Variants in FOXP1 observed in about 807,000 individuals in gnomAD.
FOXP1 encodes forkhead box P1, also known as forkhead box protein P1.
FOXP1 carries 15 observed loss-of-function variants against 98.2 expected under a neutral mutation model. The observed-to-expected ratio is 0.15, with a 90% CI of 0.10 to 0.24. The LOEUF is 0.24. Among genes scored for constraint, FOXP1 ranks in the 10% least tolerant of loss-of-function variants. The pLI is 1.00. For synonymous variants in FOXP1, 371 were observed against 314.5 expected (o/e 1.18, Z -1.90); for missense variants, 633 against 848.5 (o/e 0.75, Z 3.15).
chr3:71,383,431 C>T (rs12491667), intron 3 of FOXP1, among the ~76,000 whole-genome samples: 2 of 151,858 alleles, frequency 1.3e-5, no homozygotes, highest in African/African-American at 4.8e-5. Flanking sequence ...CATTGTTGGT[C>T]TAGTATCAGA....
rs149163883 is a variant in FOXP1, at chr3:71,133,888, C to T, written c.181-21251G>A. 7.2e-5 allele frequency among the ~76,000 whole-genome samples: 11 copies of T among 152,172 alleles called. No homozygotes were observed. The East Asian group carries it at 2.1e-3, about 29-fold the overall frequency. ...AACACTTTATATGTCAGTCACCTCA[C>T]AAACAGATTATGACTCTATAGTATT... On this transcript the variant is annotated intron_variant, in intron 6 of 20. Coordinates refer to ENST00000649528, the MANE Select transcript of FOXP1 (RefSeq NM_001349338.3).
intron 13 of FOXP1, among the ~76,000 whole-genome samples, chr3:70,994,516 C>T (rs1490347228): frequency 6.6e-6 from 1 of 152,178 alleles, no homozygotes; most frequent in Non-Finnish European, 1.5e-5. Context: ...CCACTGTCAC[C>T]TTCCCCAATC....
intron 4 of FOXP1, among the ~76,000 whole-genome samples, chr3:71,301,199 C>G (rs944633272): frequency 2.6e-5 from 4 of 152,138 alleles, no homozygotes; most frequent in Non-Finnish European, 4.4e-5. Context: ...TATTTTGCAG[C>G]CTGACCAAAA....
chr3:71,295,665 C>T (rs2073211450), intron 5 of FOXP1, among the ~76,000 whole-genome samples: 1 of 152,098 alleles, frequency 6.6e-6, no homozygotes, highest in African/African-American at 2.4e-5. Context: ...TGATGATTAT[C>T]TTCAACTCTC....
At chr3:71,136,937 C>A (rs2059846697) in intron 6 of FOXP1, among the ~76,000 whole-genome samples, 1 of 152,128 alleles carries the variant, frequency 6.6e-6, no homozygotes, top group African/African-American at 2.4e-5. Context: ...TATTTCTGAC[C>A]TGTACCACTA....
intron 3 of FOXP1, among the ~76,000 whole-genome samples, chr3:71,463,370 A>C (rs1560521030): frequency 6.6e-6 from 1 of 151,370 alleles, no homozygotes; most frequent in African/African-American, 2.4e-5. Context: ...AAAAAAAAAA[A>C]AAAAAAAAAA....
At chr3:71,459,024 C>G (rs938310654) in intron 3 of FOXP1, among the ~76,000 whole-genome samples, 2 of 152,082 alleles carry the variant, frequency 1.3e-5, no homozygotes, top group Non-Finnish European at 2.9e-5. Context: ...TCTGGTGTTT[C>G]AAGGCTTTAT....
At chr3:71,194,978 C>T (rs2063214366) in intron 6 of FOXP1, among the ~76,000 whole-genome samples, 1 of 152,128 alleles carries the variant, frequency 6.6e-6, no homozygotes, top group South Asian at 2.1e-4. Context: ...AGCCCAGAAT[C>T]GCCAACTCCG....
chr3:71,103,383 CAG>C (rs2057140432), intron 7 of FOXP1, among the ~76,000 whole-genome samples: 2 of 151,008 alleles, frequency 1.3e-5, no homozygotes, highest in African/African-American at 4.9e-5. Flanking sequence ...GTAGGGAAAA[CAG>C]ATATTGCCTT....
chr3:71,405,759 A>C, intron 3 of FOXP1, among the ~76,000 whole-genome samples: 2 of 151,126 alleles, frequency 1.3e-5, no homozygotes, highest in Non-Finnish European at 3.0e-5. Context: ...ATGGAGTTTC[A>C]CTCTTGTCAC....
intron 3 of FOXP1, among the ~76,000 whole-genome samples, chr3:71,370,063 G>T (rs1187240943): frequency 6.6e-6 from 1 of 152,174 alleles, no homozygotes; most frequent in Non-Finnish European, 1.5e-5. Flanking sequence ...AGCACTGGGT[G>T]GAGGGTGAGG....
intron 2 of FOXP1, among the ~76,000 whole-genome samples, chr3:71,522,115 G>C (rs1412738789): frequency 1.3e-5 from 2 of 152,128 alleles, no homozygotes; most frequent in African/African-American, 4.8e-5. Flanking sequence ...ACCAGCAATT[G>C]CAAGTACACC....
intron 3 of FOXP1, among the ~76,000 whole-genome samples, chr3:71,398,405 T>A (rs1351695231): frequency 6.6e-6 from 1 of 152,254 alleles, no homozygotes; most frequent in Non-Finnish European, 1.5e-5. Context: ...TATGAAGCAC[T>A]AAGCACGCTG....
intron 12 of FOXP1, among the ~76,000 whole-genome samples, chr3:71,007,035 T>C (rs558114864): frequency 3.9e-5 from 6 of 152,126 alleles, no homozygotes; most frequent in African/African-American, 1.4e-4. Flanking sequence ...TTAGGCCACT[T>C]TGACCTCTTC....
chr3:71,159,508 G>A (rs1469373935), intron 6 of FOXP1, among the ~76,000 whole-genome samples: 1 of 152,162 alleles, frequency 6.6e-6, no homozygotes, highest in Non-Finnish European at 1.5e-5. Context: ...AGATTCAAGA[G>A]TAAGTTCCTT....
intron 3 of FOXP1, among the ~76,000 whole-genome samples, chr3:71,374,350 T>G (rs182828126): frequency 3.2e-4 from 49 of 152,200 alleles, no homozygotes; most frequent in African/African-American, 1.2e-3. Context: ...TCCCAGCACT[T>G]TAGGAGGCCG....
At chr3:71,318,671 G>A (rs973860477) in intron 4 of FOXP1, among the ~76,000 whole-genome samples, 2 of 151,204 alleles carry the variant, frequency 1.3e-5, no homozygotes, top group Admixed American at 6.6e-5. Flanking sequence ...AATGTCAGGA[G>A]AAGCTGGCTG....
At chr3:71,561,026 T>C (rs1188879028) in intron 2 of FOXP1, among the ~76,000 whole-genome samples, 7 of 152,148 alleles carry the variant, frequency 4.6e-5, no homozygotes, top group Admixed American at 4.6e-4. Context: ...TATGTGAATA[T>C]ACTAAAAACC....
intron 11 of FOXP1, among the ~76,000 whole-genome samples, chr3:71,024,225 G>A (rs2045825578): frequency 6.6e-6 from 1 of 152,134 alleles, no homozygotes; most frequent in South Asian, 2.1e-4. Flanking sequence ...GCGTTTCCCT[G>A]GCAGCTTTGT....
Sources: allele counts gnomAD v4.1 joint callset (sites outside exome capture counted in the v4.1 genomes callset), GRCh38; gene constraint gnomAD v4.1.1; transcripts MANE v1.5; gene names NCBI Gene and HGNC (gene_info 2026-07-23, HGNC 2026-07-21).